ENTPD5: variants seen among roughly 807,000 people sequenced by gnomAD.
ENTPD5 encodes the protein nucleoside diphosphate phosphatase ENTPD5.
ENTPD5 carries 49 observed loss-of-function variants against 60.2 expected under a neutral mutation model. The ratio of observed to expected loss-of-function variants is 0.81; its 90% CI spans 0.65 to 1.03. ENTPD5 has a LOEUF of 1.03. ENTPD5 is among the 50% of genes least tolerant of loss of function. The pLI, the probability that ENTPD5 is intolerant of heterozygous loss-of-function variation, is 0.00. For missense variants in ENTPD5, 480 were observed against 507.6 expected, an observed-to-expected ratio of 0.95 and a Z score of 0.52; for synonymous variants, 187 against 185.4, an observed-to-expected ratio of 1.01 and a Z score of -0.07.
intron 6 of ENTPD5, among the ~76,000 whole-genome samples, chr14:73,981,797 ACT>A (rs1260697125): frequency 1.5e-5 from 2 of 131,908 alleles, no homozygotes; most frequent in South Asian, 5.3e-4. Context: ...ACAGAGTGAG[ACT>A]CTGTTTCCAA....
Position 74,006,529 on chromosome 14 carries a change from C to T in ENTPD5, c.-71+4562G>A, listed in dbSNP as rs1014697426. Among the ~76,000 whole-genome samples, 42 of 151,180 alleles carry T rather than the reference C, an allele frequency of 2.8e-4. 1 individual carries two copies. Among genetic ancestry groups the T allele is most frequent in the Non-Finnish European group, 4.3e-4 (29 of 67,830 alleles). On this transcript the variant is annotated intron_variant, in intron 3 of 15. Transcript: ENST00000334696. ...CGATCTCCTGACCTCGTGATCCGCC[C>T]GCCTCGGCCTCCCAAAGTGCTGATA...
chr14:73,984,345 A>C (rs2057813378), intron 5 of ENTPD5, among the ~76,000 whole-genome samples: 1 of 152,190 alleles, frequency 6.6e-6, no homozygotes, highest in Non-Finnish European at 1.5e-5. Context: ...GTGGGATGGT[A>C]GATACGCTGC....
chr14:73,958,100 T>C (rs774101502), downstream of ENTPD5: 2 of 1,503,026 alleles, frequency 1.3e-6, no homozygotes, highest in Non-Finnish European at 1.9e-6. Flanking sequence ...CCTCAGCCTA[T>C]GTGGCCCACC....
At chr14:73,990,800 A>T (rs1594906581) in intron 3 of ENTPD5, among the ~76,000 whole-genome samples, 1 of 151,022 alleles carries the variant, frequency 6.6e-6, no homozygotes, top group East Asian at 2.0e-4. Context: ...AGGCCGAGGC[A>T]GGTGGATCAT....
At chr14:73,955,442 C>T (rs192468020), downstream of ENTPD5, 68 of 1,613,568 alleles carry the variant, frequency 4.2e-5, 1 homozygote, top group East Asian at 1.5e-3. Flanking sequence ...TAGATCCTTT[C>T]TTTTGTAGGT....
At chr14:74,005,532 G>T (rs1034949161) in intron 3 of ENTPD5, among the ~76,000 whole-genome samples, 2 of 152,062 alleles carry the variant, frequency 1.3e-5, no homozygotes, top group African/African-American at 4.8e-5. Context: ...AACTGGCCAG[G>T]TGCGGTGGCT....
chr14:73,982,923 G>T, intron 6 of ENTPD5, 95 bp downstream of exon 6: 2 of 1,268,812 alleles, frequency 1.6e-6, no homozygotes, highest in Non-Finnish European at 2.2e-6. Context: ...GTGGAATACT[G>T]AAGGTAGTGG....
chr14:74,018,461 CAG>C (rs2059129601), intron 1 of ENTPD5: 1 of 152,214 alleles, frequency 6.6e-6, no homozygotes, highest in African/African-American at 2.4e-5. Flanking sequence ...GCTTGGCACT[CAG>C]AATACCGTAC....
intron 2 of ENTPD5, among the ~76,000 whole-genome samples, chr14:74,014,387 C>CCA (rs1555367994): frequency 4.0e-5 from 6 of 148,908 alleles, no homozygotes; most frequent in African/African-American, 1.2e-4. Flanking sequence ...TACTCCCCCC[C>CCA]CCCACAAAAA....
intron 3 of ENTPD5, among the ~76,000 whole-genome samples, chr14:73,990,381 C>CTGGAG (rs74846786): frequency 0.31 from 47,583 of 151,496 alleles, 8,998 homozygotes; most frequent in Non-Finnish European, 0.42. Flanking sequence ...GTCACCCCGG[C>CTGGAG]TGGAGTGCAG....
intron 3 of ENTPD5, among the ~76,000 whole-genome samples, chr14:74,008,680 C>T (rs988124420): frequency 1.3e-5 from 2 of 151,578 alleles, no homozygotes; most frequent in African/African-American, 2.4e-5. Flanking sequence ...CAGGCATGAG[C>T]CACTGCGCCT....
intron 3 of ENTPD5, chr14:73,996,242 C>T (rs2058339817): frequency 2.1e-5 from 20 of 973,922 alleles, no homozygotes; most frequent in Non-Finnish European, 2.4e-5. Context: ...TTGCAACTAA[C>T]AGTGTGGCAT....
At chr14:73,986,376 T>G (rs2057904102) in intron 5 of ENTPD5, 1 of 155,920 alleles carries the variant, frequency 6.4e-6, no homozygotes, top group Non-Finnish European at 1.4e-5. Flanking sequence ...GGTTGTTGCC[T>G]AATTTCTCAA....
rs937153477 is a variant in ENTPD5 at position 73,973,939 on chromosome 14, C to G, written c.824G>C (p.Arg275Thr). The G allele has an allele frequency of 3.7e-6, 6 of 1,614,172 alleles. No homozygotes were observed. The highest frequency in any genetic ancestry group is 5.1e-6 in the Non-Finnish European group (6 of 1,180,016). The change falls in exon 12 of 16, where the codon AGA becomes ACA. Residue 275 changes from arginine to threonine, a missense_variant. Transcript: ENST00000334696. ...AAAGATCCACTCTGCTTCCAACCAT[C>G]TCGGTAAACAGGCACTCCGGAAAGT... ...GHTFRSACLP[R>T]WLEAEWIFGG... is the part of the protein sequence containing the mutation.
chr14:73,995,160 T>C (rs529484212), intron 3 of ENTPD5, among the ~76,000 whole-genome samples: 10 of 151,824 alleles, frequency 6.6e-5, no homozygotes, highest in African/African-American at 2.4e-4. Flanking sequence ...GCGATTCTCA[T>C]GCCTCAGCCT....
rs1370448365 is a variant in ENTPD5, at chr14:73,975,980, A to C, written c.678T>G (p.Thr226=). 6.2e-7 allele frequency: 1 copy of C among 1,613,736 alleles called. No individual in the cohort carries two copies. Among genetic ancestry groups the C allele is most frequent in the Non-Finnish European group, 8.5e-7 (1 of 1,179,894 alleles). ...TLEQTPRGYL[T]SFEMFNSTYK... is the part of the protein sequence containing the mutation. ...AAGTGCTGTTAAACATCTCAAAGGA[A>C]GTGAGGTAGCCCCTAGGAGTTTGTT... The change falls in exon 10 of 16, where the codon ACT becomes ACG. Residue 226 remains threonine, a synonymous_variant. Transcript: ENST00000334696.
At chr14:73,992,832 G>A (rs1347540548) in intron 3 of ENTPD5, among the ~76,000 whole-genome samples, 3 of 151,520 alleles carry the variant, frequency 2.0e-5, no homozygotes, top group Non-Finnish European at 2.9e-5. Flanking sequence ...GCGAAACCCC[G>A]TCTCTGCTAA....
At chr14:73,963,123 C>T, downstream of ENTPD5, 2 of 894,214 alleles carry the variant, frequency 2.2e-6, no homozygotes, top group Non-Finnish European at 3.7e-6. Context: ...TTCTCTTTTT[C>T]TTCTTTGCTT....
chr14:74,014,953 G>A (rs142698536), intron 2 of ENTPD5, among the ~76,000 whole-genome samples: 1 of 152,050 alleles, frequency 6.6e-6, no homozygotes, highest in East Asian at 1.9e-4. Flanking sequence ...ATGGTGGCAG[G>A]CATCTGTAAT....
Sources: gnomAD v4.1 joint callset for allele counts (sites outside exome capture counted in the v4.1 genomes callset) on GRCh38, gnomAD v4.1.1 for gene constraint, MANE v1.5 for transcripts, NCBI Gene and HGNC (gene_info 2026-07-23, HGNC 2026-07-21) for gene names.